SH3BGRL2: variants seen among roughly 807,000 people sequenced by gnomAD.
The protein encoded by SH3BGRL2 is SH3 domain binding glutamate rich protein like 2.
In SH3BGRL2, 21 loss-of-function variants were observed where a neutral mutation model predicts 14.8. The observed-to-expected ratio is 1.42, with a 90% CI of 1.01 to 2.05. SH3BGRL2 has a LOEUF of 2.05. Among genes scored for constraint, SH3BGRL2 ranks in the 30% most tolerant of loss-of-function variants. SH3BGRL2 has a pLI of 0.00. For missense variants in SH3BGRL2, 147 were observed against 130.8 expected (o/e 1.12, Z -0.61); for synonymous variants, 50 against 47.8 (o/e 1.05, Z -0.19).
the SH3BGRL2 span, among the ~76,000 whole-genome samples, chr6:79,604,921 A>C: frequency 6.6e-6 from 1 of 152,204 alleles, no homozygotes; most frequent in Admixed American, 6.5e-5. Context: ...TATTTTAGGT[A>C]GGAGGTGGAG....
intron 1 of SH3BGRL2, among the ~76,000 whole-genome samples, chr6:79,645,540 C>G (rs1331889724): frequency 6.6e-6 from 1 of 152,118 alleles, no homozygotes; most frequent in East Asian, 1.9e-4. Context: ...TCACCATTTT[C>G]CCAACTCTGA....
At chr6:79,676,434 C>G (rs1203123395) in intron 2 of SH3BGRL2, among the ~76,000 whole-genome samples, 2 of 152,090 alleles carry the variant, frequency 1.3e-5, no homozygotes, top group Admixed American at 6.5e-5. Flanking sequence ...CCTCCAGTTC[C>G]TGACCTTTGA....
chr6:79,697,758 C>T (rs1251433539), intron 3 of SH3BGRL2, among the ~76,000 whole-genome samples: 3 of 152,166 alleles, frequency 2.0e-5, no homozygotes, highest in Admixed American at 6.5e-5. Flanking sequence ...ATTTTTATAA[C>T]GTATTTCATC....
chr6:79,623,232 G>A, the SH3BGRL2 span, among the ~76,000 whole-genome samples: 2 of 152,022 alleles, frequency 1.3e-5, no homozygotes, highest in Non-Finnish European at 2.9e-5. Context: ...AACCTGAGGG[G>A]TGGAGGTTGC....
chr6:79,544,747 AT>A, the SH3BGRL2 span, among the ~76,000 whole-genome samples: 1 of 151,960 alleles, frequency 6.6e-6, no homozygotes, highest in Non-Finnish European at 1.5e-5. Flanking sequence ...TAAAATAGCA[AT>A]TTTTCTCAAT....
chr6:79,675,144 A>G (rs1769855172), intron 2 of SH3BGRL2, among the ~76,000 whole-genome samples: 1 of 152,186 alleles, frequency 6.6e-6, no homozygotes. Context: ...GCTATAAGTC[A>G]AATAGTGCTA....
the SH3BGRL2 span, among the ~76,000 whole-genome samples, chr6:79,539,978 T>G: frequency 6.6e-6 from 1 of 152,204 alleles, no homozygotes; most frequent in African/African-American, 2.4e-5. Flanking sequence ...ATTCAAAAAT[T>G]TTTTCTCTAA....
chr6:79,634,877 T>A (rs190134786), intron 1 of SH3BGRL2, among the ~76,000 whole-genome samples: 1 of 152,260 alleles, frequency 6.6e-6, no homozygotes, highest in East Asian at 1.9e-4. Context: ...GTGACAGCCT[T>A]AGGCAGATGG....
At chr6:79,695,002 G>A (rs922351950) in intron 2 of SH3BGRL2, among the ~76,000 whole-genome samples, 1 of 151,900 alleles carries the variant, frequency 6.6e-6, no homozygotes, top group African/African-American at 2.4e-5. Flanking sequence ...GATTTCTTTT[G>A]GTACTTAAGA....
At chr6:79,586,895 T>C in the SH3BGRL2 span, among the ~76,000 whole-genome samples, 5 of 152,222 alleles carry the variant, frequency 3.3e-5, no homozygotes, top group African/African-American at 9.6e-5. Context: ...TGTGGGCCAA[T>C]AGTGTCTATA....
the SH3BGRL2 span, among the ~76,000 whole-genome samples, chr6:79,591,233 T>C: frequency 2.0e-3 from 298 of 152,306 alleles, no homozygotes; most frequent in African/African-American, 6.6e-3. Context: ...AGAGGAGTAT[T>C]TTATAATAGT....
intron 2 of SH3BGRL2, among the ~76,000 whole-genome samples, chr6:79,691,530 G>A (rs1290020749): frequency 8.4e-6 from 1 of 119,698 alleles, no homozygotes; most frequent in Non-Finnish European, 1.6e-5. Context: ...AACAGTCCCC[G>A]GTGTGTGACG....
At chr6:79,558,310 AC>A in the SH3BGRL2 span, among the ~76,000 whole-genome samples, 1 of 152,176 alleles carries the variant, frequency 6.6e-6, no homozygotes, top group Admixed American at 6.5e-5. Flanking sequence ...TCCAGCAACC[AC>A]TGTAAAATAA....
the SH3BGRL2 span, among the ~76,000 whole-genome samples, chr6:79,578,311 G>T: frequency 6.6e-6 from 1 of 152,358 alleles, no homozygotes; most frequent in Admixed American, 6.5e-5. Context: ...AGAATGGACA[G>T]ACTGCCTCCT....
At chr6:79,648,981 A>C (rs1405644995) in intron 1 of SH3BGRL2, among the ~76,000 whole-genome samples, 1 of 152,186 alleles carries the variant, frequency 6.6e-6, no homozygotes, top group Non-Finnish European at 1.5e-5. Flanking sequence ...ACCTGGAAGG[A>C]AGCAGAAAAG....
the SH3BGRL2 span, among the ~76,000 whole-genome samples, chr6:79,555,794 C>A: frequency 6.6e-6 from 1 of 152,128 alleles, no homozygotes; most frequent in Admixed American, 6.5e-5. Context: ...AGGCGTGAGC[C>A]ACCGCGCCCG....
rs1168978298 is a variant in SH3BGRL2, at chr6:79,702,926, GAAAA to G, written c.*3418_*3421del. On this transcript the variant is annotated 3_prime_UTR_variant, in exon 4 of 4. Transcript: ENST00000369838. The stretch of plus-strand genomic sequence containing the variant: ...GTAGCAGCCACATCAGAAAGCAGAA[GAAAA>G]CAGTATTTCTGAAGGCATTGTTTGA... The G allele has an allele frequency of 2.0e-5, 3 of 152,228 alleles. No individual in the cohort carries two copies. Among genetic ancestry groups the G allele is most frequent in the Non-Finnish European group, 4.4e-5 (3 of 68,058 alleles). The allele number at this position is 152,228 out of a possible 1,614,324, so 9.4% of individuals were successfully genotyped here. A position where few individuals can be genotyped will look rare whatever the true frequency, so the allele number is the denominator to read the frequency against.
At chr6:79,639,166 TTG>T (rs1768984450) in intron 1 of SH3BGRL2, among the ~76,000 whole-genome samples, 3 of 152,214 alleles carry the variant, frequency 2.0e-5, no homozygotes, top group Admixed American at 6.5e-5. Flanking sequence ...CTTAAATGAA[TTG>T]TGTTTTTTTC....
intron 2 of SH3BGRL2, among the ~76,000 whole-genome samples, chr6:79,677,441 G>A (rs1279031425): frequency 1.3e-5 from 2 of 152,084 alleles, no homozygotes; most frequent in Non-Finnish European, 2.9e-5. Context: ...AATCTCCCTG[G>A]CATGACCAAT....
Sources: allele counts gnomAD v4.1 joint callset (sites outside exome capture counted in the v4.1 genomes callset), GRCh38; gene constraint gnomAD v4.1.1; transcripts MANE v1.5; gene names NCBI Gene and HGNC (gene_info 2026-07-23, HGNC 2026-07-21).